The following CCDC60 variants were observed in gnomAD, a reference collection of about 807,000 sequenced individuals.
CCDC60 encodes coiled-coil domain-containing protein 60.
Under a neutral mutation model 63.5 loss-of-function variants are expected in CCDC60, and 54 were observed. The ratio of observed to expected loss-of-function variants is 0.85; its 90% CI spans 0.68 to 1.07. The LOEUF is 1.07. Ranked by LOEUF, CCDC60 falls within the 50% of genes least tolerant of loss-of-function variation. The pLI is 0.00. For missense variants in CCDC60, 651 were observed against 684.3 expected (o/e 0.95, Z 0.54); for synonymous variants, 206 against 238.8 (o/e 0.86, Z 1.27).
At chr12:119,430,599 G>A (rs1283789282) in intron 2 of CCDC60, among the ~76,000 whole-genome samples, 19 of 144,368 alleles carry the variant, frequency 1.3e-4, no homozygotes, top group East Asian at 6.3e-4. Flanking sequence ...CCCAGGAGGC[G>A]GAACTTGCTT....
chr12:119,365,456 T>G (rs1955831549), intron 1 of CCDC60, among the ~76,000 whole-genome samples: 2 of 152,236 alleles, frequency 1.3e-5, no homozygotes, highest in African/African-American at 2.4e-5. Flanking sequence ...ACAAATTTAT[T>G]AAATCCTATG....
At chr12:119,473,323 T>C (rs1044162798) in intron 3 of CCDC60, among the ~76,000 whole-genome samples, 1 of 152,222 alleles carries the variant, frequency 6.6e-6, no homozygotes, top group Non-Finnish European at 1.5e-5. Context: ...CCTGCAGCTG[T>C]AGCCACTCTC....
chr12:119,393,249 G>A (rs1046567797), intron 1 of CCDC60, among the ~76,000 whole-genome samples: 3 of 152,162 alleles, frequency 2.0e-5, no homozygotes, highest in Non-Finnish European at 4.4e-5. Context: ...ACTCAATCGT[G>A]TGTTTTTGTT....
At chr12:119,433,271 T>C (rs1950264762) in intron 2 of CCDC60, 3 of 624,008 alleles carry the variant, frequency 4.8e-6, no homozygotes, top group Non-Finnish European at 8.5e-6. Context: ...TAATAAAAGG[T>C]GATACAGGCA....
rs11374064 is a variant in CCDC60 at position 119,465,757 on chromosome 12, C to CAA, written c.171-6225_171-6224dup. ...TCAGTGACAGAGTGAGACTTCATCT[C>CAA]AAAAAAAAAAAAATGTATAAAACAG... On this transcript the variant is annotated intron_variant, in intron 2 of 13. Transcript: ENST00000327554. Among the ~76,000 whole-genome samples the CAA allele has an allele frequency of 9.2e-3, 1,348 of 146,142 alleles. 18 individuals are homozygous for CAA. Among genetic ancestry groups the CAA allele is most frequent in the African/African-American group, 0.028 (1,111 of 39,782 alleles).
intron 1 of CCDC60, among the ~76,000 whole-genome samples, chr12:119,364,679 G>A (rs974135148): frequency 1.3e-5 from 2 of 152,090 alleles, no homozygotes; most frequent in Non-Finnish European, 2.9e-5. Context: ...TAATTTGCCG[G>A]TGCATCTTAT....
chr12:119,512,699 C>T (rs1952246525), intron 7 of CCDC60, among the ~76,000 whole-genome samples: 1 of 152,190 alleles, frequency 6.6e-6, no homozygotes, highest in African/African-American at 2.4e-5. Flanking sequence ...ATATTTCCCA[C>T]AAAGACAGAA....
chr12:119,460,637 C>A (rs927087490), intron 2 of CCDC60, among the ~76,000 whole-genome samples: 1 of 152,240 alleles, frequency 6.6e-6, no homozygotes, highest in African/African-American at 2.4e-5. Context: ...TCTTCTCACT[C>A]TTCTGGGTCC....
chr12:119,399,041 C>A (rs1956339141), intron 1 of CCDC60, among the ~76,000 whole-genome samples: 1 of 152,098 alleles, frequency 6.6e-6, no homozygotes, highest in Admixed American at 6.6e-5. Flanking sequence ...TGACAGTGAC[C>A]TGCAATATAG....
chr12:119,385,809 T>C (rs993919819), intron 1 of CCDC60, among the ~76,000 whole-genome samples: 3 of 152,194 alleles, frequency 2.0e-5, no homozygotes, highest in African/African-American at 7.2e-5. Flanking sequence ...TGCCAGTCGC[T>C]GCTCCCCCTC....
intron 2 of CCDC60, among the ~76,000 whole-genome samples, chr12:119,454,185 T>C (rs142642745): frequency 0.011 from 1,632 of 152,330 alleles, 16 homozygotes; most frequent in Admixed American, 0.023. Context: ...TGTAATACTT[T>C]GGAATTAGCC....
intron 2 of CCDC60, 60 bp from the exon 3 acceptor site, chr12:119,471,932 TTC>T: frequency 1.1e-5 from 15 of 1,396,758 alleles, no homozygotes; most frequent in Middle Eastern, 3.6e-4. Flanking sequence ...TTCTCTTTCC[TTC>T]TCTCTCTCCA....
chr12:119,374,553 G>C (rs939268984), intron 1 of CCDC60, among the ~76,000 whole-genome samples: 2 of 152,138 alleles, frequency 1.3e-5, no homozygotes, highest in African/African-American at 4.8e-5. Flanking sequence ...AAGGGGTCTT[G>C]ATCGAGACCC....
intron 3 of CCDC60, among the ~76,000 whole-genome samples, chr12:119,477,294 A>G (rs1374250916): frequency 6.6e-6 from 1 of 152,250 alleles, no homozygotes; most frequent in Non-Finnish European, 1.5e-5. Flanking sequence ...AAATGAACAT[A>G]GACCTACCTC....
At chr12:119,439,270 C>T (rs1045181079) in intron 2 of CCDC60, among the ~76,000 whole-genome samples, 18 of 151,194 alleles carry the variant, frequency 1.2e-4, no homozygotes, top group African/African-American at 1.9e-4. Flanking sequence ...TGTGTGTGCA[C>T]GTGCATGCAT....
At chr12:119,344,847 TCTCTCTCTCACACACACA>T (rs1565963628) in intron 1 of CCDC60, among the ~76,000 whole-genome samples, 104 of 110,638 alleles carry the variant, frequency 9.4e-4, no homozygotes, top group African/African-American at 3.5e-3. Context: ...TCTCTCTCTC[TCTCTCTCTCACACACACA>T]CACACACACA....
chr12:119,454,098 C>G (rs994216891), intron 2 of CCDC60, among the ~76,000 whole-genome samples: 1 of 152,104 alleles, frequency 6.6e-6, no homozygotes, highest in Non-Finnish European at 1.5e-5. Context: ...AGATGACTCA[C>G]AGACATTGAG....
intron 2 of CCDC60, among the ~76,000 whole-genome samples, chr12:119,447,386 C>G (rs1593101293): frequency 6.6e-6 from 1 of 152,188 alleles, no homozygotes; most frequent in East Asian, 1.9e-4. Flanking sequence ...CTCCAGCGAG[C>G]AGTCCCTGCC....
intron 2 of CCDC60, among the ~76,000 whole-genome samples, chr12:119,435,557 G>C (rs979882761): frequency 1.7e-4 from 26 of 152,200 alleles, no homozygotes; most frequent in African/African-American, 6.0e-4. Context: ...CTAGCTCAGT[G>C]CTTGGCACAG....
Sources: gnomAD v4.1 joint callset for allele counts (sites outside exome capture counted in the v4.1 genomes callset) on GRCh38, gnomAD v4.1.1 for gene constraint, MANE v1.5 for transcripts, NCBI Gene and HGNC (gene_info 2026-07-23, HGNC 2026-07-21) for gene names.